Variants in GRIA1 observed in about 807,000 individuals in gnomAD.
The protein encoded by GRIA1 is glutamate receptor 1.
A neutral mutation model predicts 99.2 loss-of-function variants in GRIA1; 31 were observed. The ratio of observed to expected loss-of-function variants is 0.31; its 90% CI spans 0.23 to 0.42. The LOEUF is 0.42. GRIA1 is among the 10% of genes least tolerant of loss of function. The pLI is 1.00. For missense variants in GRIA1, 782 were observed against 1,157.5 expected (o/e 0.68, Z 4.71); for synonymous variants, 438 against 432.4 (o/e 1.01, Z -0.16).
At chr5:153,618,093 G>A (rs186541375) in intron 2 of GRIA1, among the ~76,000 whole-genome samples, 3 of 152,176 alleles carry the variant, frequency 2.0e-5, no homozygotes, top group Non-Finnish European at 4.4e-5. Context: ...AACCTGTTTG[G>A]TTTGACGTTT....
chr5:153,554,989 A>G (rs1760487740), intron 2 of GRIA1, among the ~76,000 whole-genome samples: 1 of 152,140 alleles, frequency 6.6e-6, no homozygotes, highest in Admixed American at 6.6e-5. Flanking sequence ...TACTCAGCTC[A>G]GAAGGAGGCT....
At chr5:153,536,444 C>T (rs1758581499) in intron 2 of GRIA1, among the ~76,000 whole-genome samples, 1 of 152,152 alleles carries the variant, frequency 6.6e-6, no homozygotes, top group Admixed American at 6.6e-5. Flanking sequence ...GTTAGACTGA[C>T]AGCTCCTTTG....
At chr5:153,764,366 C>A (rs1444184230) in intron 11 of GRIA1, 68 bp from the exon 12 acceptor site, 2 of 1,229,628 alleles carry the variant, frequency 1.6e-6, no homozygotes, top group East Asian at 2.3e-5. Context: ...GACCCGTGCT[C>A]AGTCCCTCCC....
At chr5:153,744,179 A>C (rs778255884) in intron 11 of GRIA1, among the ~76,000 whole-genome samples, 3 of 152,174 alleles carry the variant, frequency 2.0e-5, no homozygotes, top group Non-Finnish European at 4.4e-5. Flanking sequence ...AAAGGGGGAG[A>C]GATACAAAGT....
chr5:153,596,925 C>G (rs528520942), intron 2 of GRIA1, among the ~76,000 whole-genome samples: 94 of 152,328 alleles, frequency 6.2e-4, no homozygotes, highest in African/African-American at 2.2e-3. Context: ...AGCTGTCATA[C>G]AGGCTGATGG....
upstream of GRIA1, chr5:153,489,882 C>T: frequency 2.2e-6 from 1 of 456,166 alleles, no homozygotes; most frequent in Non-Finnish European, 4.4e-6. Context: ...GATTCTGATG[C>T]TATAGACTCC....
At chr5:153,676,582 T>A (rs1756602204) in intron 6 of GRIA1, among the ~76,000 whole-genome samples, 1 of 152,212 alleles carries the variant, frequency 6.6e-6, no homozygotes, top group South Asian at 2.1e-4. Flanking sequence ...ATGACTGTAA[T>A]GCCGGGATAA....
chr5:153,633,932 A>G (rs1336586030), intron 2 of GRIA1, among the ~76,000 whole-genome samples: 2 of 152,212 alleles, frequency 1.3e-5, no homozygotes, highest in African/African-American at 4.8e-5. Context: ...AATCAGGGAG[A>G]TGAAATTAAA....
chr5:153,574,330 G>A (rs1171118349), intron 2 of GRIA1: 1 of 152,104 alleles, frequency 6.6e-6, no homozygotes, highest in Non-Finnish European at 1.5e-5. Context: ...TAAATATCCT[G>A]TTGTTTATTT....
In GRIA1 at chr5:153,730,184, G is replaced by T. The variant is rs561248401; in HGVS notation, c.1823+24117G>T. On this transcript the variant is annotated intron_variant, in intron 11 of 15. Coordinates refer to ENST00000285900, the MANE Select transcript of GRIA1 (RefSeq NM_000827.4). ...CAGATTCTAGTTCCATAGTTCTGGGGTGAGGCCTAAGAATTTTTATTTCTA... is the reference window on the plus strand; with the variant it reads ...CAGATTCTAGTTCCATAGTTCTGGGTTGAGGCCTAAGAATTTTTATTTCTA... 1.9e-3 allele frequency among the ~76,000 whole-genome samples: 296 copies of T among 152,080 alleles called. 1 individual carries two copies. Among genetic ancestry groups the T allele is most frequent in the South Asian group, 1.0e-2 (48 of 4,812 alleles).
At chr5:153,525,252 G>C (rs1377783145) in intron 2 of GRIA1, 1 of 152,188 alleles carries the variant, frequency 6.6e-6, no homozygotes, top group Non-Finnish European at 1.5e-5. Flanking sequence ...GCAATGTCTG[G>C]AGACACTTTT....
chr5:153,568,312 G>C (rs1761829003), intron 2 of GRIA1, among the ~76,000 whole-genome samples: 1 of 152,176 alleles, frequency 6.6e-6, no homozygotes, highest in African/African-American at 2.4e-5. Flanking sequence ...CTGCTTCACA[G>C]ACCAGCAGCA....
intron 13 of GRIA1, among the ~76,000 whole-genome samples, chr5:153,791,002 A>G (rs919085681): frequency 2.6e-5 from 4 of 152,198 alleles, no homozygotes; most frequent in Non-Finnish European, 5.9e-5. Flanking sequence ...GGATAACTCT[A>G]TCATGATCAA....
At chr5:153,727,492 G>A (rs1039980522) in intron 11 of GRIA1, among the ~76,000 whole-genome samples, 1 of 152,144 alleles carries the variant, frequency 6.6e-6, no homozygotes, top group Non-Finnish European at 1.5e-5. Context: ...AAACCCCATT[G>A]TCTCAGCCCA....
intron 2 of GRIA1, among the ~76,000 whole-genome samples, chr5:153,505,382 A>T (rs1263865174): frequency 6.6e-6 from 1 of 152,170 alleles, no homozygotes; most frequent in African/African-American, 2.4e-5. Context: ...TGCTTCATTA[A>T]TGTCACATTT....
At chr5:153,761,980 G>C (rs1221348656) in intron 11 of GRIA1, among the ~76,000 whole-genome samples, 2 of 152,174 alleles carry the variant, frequency 1.3e-5, no homozygotes, top group Non-Finnish European at 2.9e-5. Flanking sequence ...TCTCCTAGCA[G>C]TGCAGAGTAA....
intron 2 of GRIA1, among the ~76,000 whole-genome samples, chr5:153,632,330 G>A (rs968863549): frequency 3.3e-5 from 5 of 152,188 alleles, no homozygotes; most frequent in African/African-American, 1.2e-4. Flanking sequence ...TTAGAGGGAC[G>A]TGCATCCATA....
intron 2 of GRIA1, among the ~76,000 whole-genome samples, chr5:153,586,225 A>G (rs1395716996): frequency 6.6e-6 from 1 of 152,178 alleles, no homozygotes; most frequent in Non-Finnish European, 1.5e-5. Flanking sequence ...AGGAAGAGGA[A>G]CCTTATTTGT....
intron 2 of GRIA1, among the ~76,000 whole-genome samples, chr5:153,504,286 G>A (rs1039679470): frequency 1.1e-4 from 17 of 151,660 alleles, no homozygotes; most frequent in African/African-American, 3.9e-4. Context: ...ATTACCAAAA[G>A]AATGGAGATT....
Sources: gnomAD v4.1 joint callset for allele counts (sites outside exome capture counted in the v4.1 genomes callset) on GRCh38, gnomAD v4.1.1 for gene constraint, MANE v1.5 for transcripts, NCBI Gene and HGNC (gene_info 2026-07-23, HGNC 2026-07-21) for gene names.